Variants in CAB39L observed in about 807,000 individuals in gnomAD.
The protein encoded by CAB39L is calcium-binding protein 39-like.
A neutral mutation model predicts 39.1 loss-of-function variants in CAB39L; 23 were observed. The ratio of observed to expected loss-of-function variants is 0.59; its 90% CI spans 0.42 to 0.83. The LOEUF is 0.83. Among genes scored for constraint, CAB39L ranks in the 40% least tolerant of loss-of-function variants. CAB39L has a pLI of 0.00. For synonymous variants in CAB39L, 126 were observed against 137.2 expected (o/e 0.92, Z 0.57); for missense variants, 366 against 391.9 (o/e 0.93, Z 0.56).
chr13:49,365,416 C>T (rs1419211399), intron 5 of CAB39L, among the ~76,000 whole-genome samples: 2 of 152,180 alleles, frequency 1.3e-5, no homozygotes, highest in South Asian at 2.1e-4. Context: ...CAAAACCCCA[C>T]AAGCACAGGC....
chr13:49,352,235 C>T (rs556344830), intron 6 of CAB39L, among the ~76,000 whole-genome samples: 1 of 151,550 alleles, frequency 6.6e-6, no homozygotes, highest in Non-Finnish European at 1.5e-5. Context: ...ATTTCTAATA[C>T]AACAACAATC....
chr13:49,323,838 G>A (rs1010100392), intron 10 of CAB39L, among the ~76,000 whole-genome samples: 1 of 152,098 alleles, frequency 6.6e-6, no homozygotes, highest in African/African-American at 2.4e-5. Flanking sequence ...CAGAAAGAGA[G>A]GATGCCCCAT....
chr13:49,387,276 A>G (rs1457799107), intron 3 of CAB39L, among the ~76,000 whole-genome samples: 2 of 152,250 alleles, frequency 1.3e-5, no homozygotes, highest in African/African-American at 4.8e-5. Flanking sequence ...TGGGAACAAA[A>G]GGAATGGAGA....
intron 5 of CAB39L, among the ~76,000 whole-genome samples, chr13:49,362,190 G>A (rs1955656102): frequency 6.6e-6 from 1 of 152,008 alleles, no homozygotes; most frequent in African/African-American, 2.4e-5. Context: ...GTCAGATACT[G>A]ATAAATATCT....
At chr13:49,340,292 G>A (rs1954971940) in intron 8 of CAB39L, among the ~76,000 whole-genome samples, 1 of 152,170 alleles carries the variant, frequency 6.6e-6, no homozygotes, top group Non-Finnish European at 1.5e-5. Flanking sequence ...ACCAACCATG[G>A]CCTAGCCCTT....
chr13:49,419,958 T>C (rs940267508), intron 3 of CAB39L, among the ~76,000 whole-genome samples: 9 of 152,126 alleles, frequency 5.9e-5, no homozygotes, highest in Admixed American at 1.3e-4. Context: ...AAACAGTAAA[T>C]AGGATTAATT....
intron 10 of CAB39L, among the ~76,000 whole-genome samples, chr13:49,319,012 G>A (rs912588874): frequency 1.1e-4 from 17 of 152,150 alleles, no homozygotes; most frequent in African/African-American, 4.1e-4. Context: ...CAGAGGCCAA[G>A]GCAGGTGGAT....
In CAB39L at chr13:49,311,647, G is replaced by A. The variant is rs192992969; in HGVS notation, c.835-654C>T. 2.2e-3 allele frequency among the ~76,000 whole-genome samples: 331 copies of A among 151,790 alleles called. 2 individuals carry two copies. Among genetic ancestry groups the A allele is most frequent in the African/African-American group, 6.7e-3 (277 of 41,334 alleles). ...TGATGATCCTGACCCTGTGTAGGCC[G>A]AGGCTAATGTGAGTGTTTATGTCTT... is the stretch of plus-strand genomic sequence containing the variant. On this transcript the variant is annotated intron_variant, in intron 10 of 10. Coordinates refer to ENST00000409308, the MANE Select transcript of CAB39L (RefSeq NM_001079670.3).
intron 3 of CAB39L, among the ~76,000 whole-genome samples, chr13:49,426,741 T>C (rs1259720174): frequency 6.6e-6 from 1 of 152,136 alleles, no homozygotes; most frequent in Admixed American, 6.5e-5. Flanking sequence ...TTGCTCTTTA[T>C]TGAAGATTTT....
chr13:49,332,016 C>T lies in CAB39L; in HGVS notation c.765G>A (p.Leu255=). ...MTKYISKPEN[L]KLMMNLLRDK... ...CCCGAAGGAGGTTCATCATGAGTTT[C>T]AGGTTCTCCGGCTTGCTGATATACT... The change falls in exon 10 of 11, where the codon CTG becomes CTA. Residue 255 remains leucine, a synonymous_variant. Coordinates refer to ENST00000409308, the MANE Select transcript of CAB39L (RefSeq NM_001079670.3). The T allele has an allele frequency of 6.2e-7, 1 of 1,614,120 alleles. No homozygotes were observed. The highest frequency in any genetic ancestry group is 8.5e-7 in the Non-Finnish European group (1 of 1,180,002).
chr13:49,406,276 T>A (rs1301028187), intron 3 of CAB39L, among the ~76,000 whole-genome samples: 1 of 150,458 alleles, frequency 6.6e-6, no homozygotes, highest in Non-Finnish European at 1.5e-5. Flanking sequence ...CACGCCATTC[T>A]CCTGCCTCAG....
intron 5 of CAB39L, among the ~76,000 whole-genome samples, chr13:49,375,554 C>A (rs1956033687): frequency 6.6e-6 from 1 of 151,850 alleles, no homozygotes; most frequent in Admixed American, 6.6e-5. Context: ...AGACAAAAAA[C>A]CAAACACTGC....
In CAB39L at chr13:49,312,549, G is replaced by A. The variant is rs550402037; in HGVS notation, c.835-1556C>T. Reference sequence around the variant, plus strand: ...GCAATAGCCCACACTATATAGCCTAGGTGTGTGGCAGGCTCCACCACCTAG... The same window carrying A: ...GCAATAGCCCACACTATATAGCCTAAGTGTGTGGCAGGCTCCACCACCTAG... On this transcript the variant is annotated intron_variant, in intron 10 of 10. Transcript: ENST00000409308. Among the ~76,000 whole-genome samples the A allele has an allele frequency of 3.2e-4, 49 of 152,292 alleles. 3 individuals carry two copies. The South Asian group carries it at 6.2e-3, about 19-fold the overall frequency.
chr13:49,358,318 T>C (rs1380009372), intron 6 of CAB39L, among the ~76,000 whole-genome samples: 1 of 152,208 alleles, frequency 6.6e-6, no homozygotes, highest in African/African-American at 2.4e-5. Flanking sequence ...TAAATGTGAT[T>C]ATTAAAATTT....
chr13:49,375,185 T>C (rs1177924971), intron 5 of CAB39L, among the ~76,000 whole-genome samples: 1 of 152,128 alleles, frequency 6.6e-6, no homozygotes, highest in Non-Finnish European at 1.5e-5. Context: ...GTATATATTT[T>C]TATTTAGTTT....
At chr13:49,412,020 C>G (rs756452534) in intron 3 of CAB39L, among the ~76,000 whole-genome samples, 42 of 152,130 alleles carry the variant, frequency 2.8e-4, no homozygotes, top group Middle Eastern at 3.2e-3. Flanking sequence ...TAAACTCCCC[C>G]CAAAACCCTC....
chr13:49,377,873 T>C (rs1311820456), intron 4 of CAB39L, among the ~76,000 whole-genome samples: 2 of 76,716 alleles, frequency 2.6e-5, no homozygotes, highest in Non-Finnish European at 5.1e-5. Context: ...GTGAGGAGCG[T>C]CTCCGCCCGG....
intron 3 of CAB39L, among the ~76,000 whole-genome samples, chr13:49,416,193 G>A (rs1957082241): frequency 6.6e-6 from 1 of 152,180 alleles, no homozygotes; most frequent in Non-Finnish European, 1.5e-5. Flanking sequence ...GGGTTGTAGT[G>A]AGGACAGAAC....
At chr13:49,346,721 C>T (rs748388480) in intron 7 of CAB39L, among the ~76,000 whole-genome samples, 1 of 151,728 alleles carries the variant, frequency 6.6e-6, no homozygotes, top group Non-Finnish European at 1.5e-5. Context: ...TTCACAAGTC[C>T]GTGAAAAAGG....
Sources: allele counts gnomAD v4.1 joint callset (sites outside exome capture counted in the v4.1 genomes callset), GRCh38; gene constraint gnomAD v4.1.1; transcripts MANE v1.5; gene names NCBI Gene and HGNC (gene_info 2026-07-23, HGNC 2026-07-21).